ZNF544: variants seen among roughly 807,000 people sequenced by gnomAD.
The protein encoded by ZNF544 is zinc finger protein AF020591.
In ZNF544, 10 loss-of-function variants were observed where a neutral mutation model predicts 13.5. The ratio of observed to expected loss-of-function variants is 0.74; its 90% CI spans 0.46 to 1.25. The LOEUF (loss-of-function observed/expected upper bound fraction) is 1.25, where lower values mean the gene tolerates loss of function less well. ZNF544 is among the 50% of genes most tolerant of loss of function. ZNF544 has a pLI of 0.00. For synonymous variants in ZNF544, 323 were observed against 300.5 expected (o/e 1.07, Z -0.77); for missense variants, 896 against 845.6 (o/e 1.06, Z -0.74).
chr19:58,263,127 A>T lies in ZNF544; in HGVS notation c.*373A>T. 9.8e-7 allele frequency: 1 copy of T among 1,016,244 alleles called. No homozygotes were observed. The highest frequency in any genetic ancestry group is 1.2e-6 in the Non-Finnish European group (1 of 847,708). 63.0% of individuals were successfully genotyped at this position (1,016,244 alleles called of 1,614,324 possible). ...AGCTTCCAGTTATGATACTTTCCTT[A>T]TTCAACATGAGAAAGCTCATGGGCA... On this transcript the variant is annotated 3_prime_UTR_variant, in exon 7 of 7. Transcript: ENST00000687789.
At chr19:58,275,707 C>T (rs148023779) in intron 5 of ZNF544, among the ~76,000 whole-genome samples, 127 of 142,158 alleles carry the variant, frequency 8.9e-4, no homozygotes, top group Non-Finnish European at 1.5e-3. Flanking sequence ...ATCCCTTGAG[C>T]CCAAGAGGTT....
intron 6 of ZNF544, chr19:58,260,426 A>G (rs2048648109): frequency 6.5e-6 from 1 of 152,904 alleles, no homozygotes; most frequent in Non-Finnish European, 1.4e-5. Context: ...ACAGGCGCCC[A>G]CCACCACACC....
In ZNF544 at chr19:58,261,691, C is replaced by CT. The variant is rs373526459; in HGVS notation, c.1088dup (p.Ser364GlnfsTer4). The CT allele has an allele frequency of 8.5e-5, 137 of 1,614,208 alleles. No homozygotes were observed. In the African/African-American group the frequency reaches 1.4e-3, roughly 16 times the overall value. Reference sequence around the variant, plus strand: ...TCTGTGTGTAATCAGTGTGGAAAATCTTTCAGCTGTTGTAAGCTCATACAC... The same window carrying CT: ...TCTGTGTGTAATCAGTGTGGAAAATCTTTTCAGCTGTTGTAAGCTCATACAC... On this transcript the variant is annotated frameshift_variant, in exon 7 of 7. Transcript: ENST00000687789. LOFTEE classifies it low-confidence loss of function (END_TRUNC).
intron 6 of ZNF544, among the ~76,000 whole-genome samples, chr19:58,253,782 A>G (rs1390445399): frequency 6.6e-6 from 1 of 152,170 alleles, no homozygotes; most frequent in Non-Finnish European, 1.5e-5. Context: ...AACCAGGACC[A>G]TTTTTTGTTT....
At chr19:58,259,665 T>G (rs1162577451) in intron 6 of ZNF544, 1 of 152,250 alleles carries the variant, frequency 6.6e-6, no homozygotes, top group African/African-American at 2.4e-5. Flanking sequence ...ACCTCCTCTG[T>G]GTTTCAAATC....
intron 4 of ZNF544, chr19:58,245,789 A>C (rs1270966482): frequency 1.2e-5 from 2 of 170,630 alleles, no homozygotes; most frequent in Non-Finnish European, 2.6e-5. Context: ...TTTTGTAGAG[A>C]GGAAGTGGGT....
At chr19:58,276,928 T>C (rs995371192) in intron 6 of ZNF544, among the ~76,000 whole-genome samples, 1 of 152,242 alleles carries the variant, frequency 6.6e-6, no homozygotes, top group Non-Finnish European at 1.5e-5. Flanking sequence ...AAAGGCTAAT[T>C]AGTTAACACT....
intron 3 of ZNF544, 62 bp from the exon 4 acceptor site, chr19:58,243,903 G>A (rs774020102): frequency 5.8e-6 from 8 of 1,368,100 alleles, no homozygotes; most frequent in Non-Finnish European, 7.9e-6. Flanking sequence ...TCTAGGGTGG[G>A]TGTTGGCCCT....
intron 4 of ZNF544, 34 bp from the exon 5 acceptor site, chr19:58,246,267 G>T: frequency 6.2e-7 from 1 of 1,613,332 alleles, no homozygotes; most frequent in South Asian, 1.1e-5. Context: ...TGAGGACCTG[G>T]GGTCTCTGAG....
intron 6 of ZNF544, among the ~76,000 whole-genome samples, chr19:58,249,571 C>T (rs924758853): frequency 6.6e-6 from 1 of 152,194 alleles, no homozygotes; most frequent in African/African-American, 2.4e-5. Flanking sequence ...CCCAACTTAG[C>T]ATTTTTGACC....
chr19:58,267,861 G>A (rs1400030826), downstream of ZNF544, among the ~76,000 whole-genome samples: 7 of 150,300 alleles, frequency 4.7e-5, no homozygotes, highest in Admixed American at 4.6e-4. Context: ...GGCACCTGTA[G>A]TCCCAGCTAC....
intron 3 of ZNF544, among the ~76,000 whole-genome samples, chr19:58,231,077 A>G (rs1196330490): frequency 1.3e-5 from 2 of 152,158 alleles, no homozygotes; most frequent in African/African-American, 4.8e-5. Flanking sequence ...GAACTCAGAA[A>G]CTAGCAGGGT....
chr19:58,271,975 G>T (rs1030053025), intron 5 of ZNF544, among the ~76,000 whole-genome samples: 1 of 151,848 alleles, frequency 6.6e-6, no homozygotes, highest in African/African-American at 2.4e-5. Flanking sequence ...CAGCCTGGCC[G>T]ACATGGTGAA....
chr19:58,249,669 G>A (rs375115207), intron 6 of ZNF544, among the ~76,000 whole-genome samples: 5 of 152,218 alleles, frequency 3.3e-5, no homozygotes, highest in African/African-American at 9.6e-5. Flanking sequence ...AATCCTCATT[G>A]TTCGGCATAA....
chr19:58,240,261 C>T lies in ZNF544; in HGVS notation c.-59-3704C>T, dbSNP rs991185631. ...AAGGATCAGACCTTTCTTTTTCTTTCTTTTTTTTTTTTTGGAGACAGAGTT... is the reference window on the plus strand; with the variant it reads ...AAGGATCAGACCTTTCTTTTTCTTTTTTTTTTTTTTTTTGGAGACAGAGTT... On this transcript the variant is annotated intron_variant, in intron 3 of 6. Transcript: ENST00000687789. Among the ~76,000 whole-genome samples, 11 of 145,822 alleles carry T rather than the reference C, an allele frequency of 7.5e-5. No homozygotes were observed. In the East Asian group the frequency reaches 2.2e-3, roughly 30 times the overall value.
chr19:58,263,173 A>C lies in ZNF544; in HGVS notation c.*419A>C, dbSNP rs1219950497. The C allele has an allele frequency of 2.0e-6, 2 of 997,398 alleles. No homozygotes were observed. Among genetic ancestry groups the C allele is most frequent in the Non-Finnish European group, 1.2e-6 (1 of 836,574 alleles). The allele number at this position is 997,398 out of a possible 1,614,324, so 61.8% of individuals were successfully genotyped here. On this transcript the variant is annotated 3_prime_UTR_variant, in exon 7 of 7. Coordinates refer to ENST00000687789, the MANE Select transcript of ZNF544 (RefSeq NM_014480.4). ...GGGCAAGAAACTCTATGAATAACCA[A>C]GATGGAGCCGGGTGCAGTTGCCAAC...
chr19:58,262,139 G>C lies in ZNF544; in HGVS notation c.1533G>C (p.Gln511His), dbSNP rs201105161. 1.2e-6 allele frequency: 2 copies of C among 1,613,450 alleles called. No homozygotes were observed. Among genetic ancestry groups the C allele is most frequent in the South Asian group, 1.1e-5 (1 of 91,050 alleles). Residue 511 changes from glutamine (Q) to histidine (H), a missense_variant, in exon 7 of 7, where the codon CAG becomes CAC. Gln to His is a conservative substitution (Grantham distance 24). Coordinates refer to ENST00000687789, the MANE Select transcript of ZNF544 (RefSeq NM_014480.4). The stretch of plus-strand genomic sequence containing the variant: ...AGAAGTATGACCTTGTTGTACATCA[G>C]AGGACACACACTGGAGAGAAGCCCT... ...FSQKYDLVVH[Q>H]RTHTGEKPYE...
At chr19:58,259,151 A>C (rs1455004631) in intron 6 of ZNF544, 1 of 152,270 alleles carries the variant, frequency 6.6e-6, no homozygotes, top group East Asian at 1.9e-4. Context: ...CTGAAGTGGC[A>C]AACGGTGGAG....
chr19:58,258,366 G>A (rs1348906856), intron 6 of ZNF544: 1 of 156,174 alleles, frequency 6.4e-6, no homozygotes, highest in Non-Finnish European at 1.4e-5. Flanking sequence ...CAGTGCAAGT[G>A]TGAGAGTGCT....
Sources: gnomAD v4.1 joint callset for allele counts (sites outside exome capture counted in the v4.1 genomes callset) on GRCh38, gnomAD v4.1.1 for gene constraint, MANE v1.5 for transcripts, NCBI Gene and HGNC (gene_info 2026-07-23, HGNC 2026-07-21) for gene names.